DCC: variants seen among roughly 807,000 people sequenced by gnomAD.
DCC encodes the protein netrin receptor DCC.
In DCC, 58 loss-of-function variants were observed where a neutral mutation model predicts 172.5. The ratio of observed to expected loss-of-function variants is 0.34; its 90% CI spans 0.27 to 0.42. DCC has a LOEUF of 0.42. Ranked by LOEUF, DCC falls within the 10% of genes least tolerant of loss-of-function variation. DCC has a pLI of 1.00. For missense variants in DCC, 1,740 were observed against 1,791.0 expected, an observed-to-expected ratio of 0.97 and a Z score of 0.51; for synonymous variants, 709 against 644.5, an observed-to-expected ratio of 1.10 and a Z score of -1.52.
At chr18:53,239,458 A>T (rs886441288) in intron 12 of DCC, among the ~76,000 whole-genome samples, 1 of 152,084 alleles carries the variant, frequency 6.6e-6, no homozygotes, top group East Asian at 1.9e-4. Context: ...CTTTAGTGAT[A>T]GCTCATGTCA....
In DCC at chr18:52,940,141, G is replaced by A. The variant is rs528863450; in HGVS notation, c.985+14771G>A. On this transcript the variant is annotated intron_variant, in intron 5 of 28. Coordinates refer to ENST00000442544, the MANE Select transcript of DCC (RefSeq NM_005215.4). ...TTTGAGAAAAGGAAGACCATCTGGT[G>A]GTAAGTAAAGGAAATGGAATGTTAA... 5.9e-5 allele frequency among the ~76,000 whole-genome samples: 9 copies of A among 152,102 alleles called. No individual in the cohort carries two copies. In the South Asian group the frequency reaches 1.9e-3, roughly 32 times the overall value.
intron 1 of DCC, among the ~76,000 whole-genome samples, chr18:52,441,728 T>A (rs1220725833): frequency 6.6e-6 from 1 of 152,178 alleles, no homozygotes. Flanking sequence ...TTCAAGCACC[T>A]AAGGGACTCT....
chr18:53,502,875 G>T (rs1048589397), intron 27 of DCC, among the ~76,000 whole-genome samples: 4 of 151,834 alleles, frequency 2.6e-5, no homozygotes, highest in African/African-American at 4.8e-5. Context: ...TTAGGTTCTG[G>T]GGTACATGTG....
chr18:52,763,661 A>G (rs2037197847), intron 2 of DCC, among the ~76,000 whole-genome samples: 1 of 152,226 alleles, frequency 6.6e-6, no homozygotes. Flanking sequence ...CTTTAAAAGT[A>G]TATAATCCAG....
chr18:52,824,419 T>A (rs2038468182), intron 2 of DCC, among the ~76,000 whole-genome samples: 1 of 151,538 alleles, frequency 6.6e-6, no homozygotes, highest in South Asian at 2.1e-4. Context: ...TCCAGCTGTA[T>A]GTCACTGGAT....
At chr18:52,411,135 G>A (rs919435571) in intron 1 of DCC, among the ~76,000 whole-genome samples, 2 of 152,068 alleles carry the variant, frequency 1.3e-5, no homozygotes, top group Non-Finnish European at 2.9e-5. Flanking sequence ...TCCTGTGTAA[G>A]ATCTTGAAGT....
intron 12 of DCC, among the ~76,000 whole-genome samples, chr18:53,252,637 G>A (rs2056452821): frequency 6.6e-6 from 1 of 151,844 alleles, no homozygotes; most frequent in Non-Finnish European, 1.5e-5. Flanking sequence ...CATCTTTCTT[G>A]TTACTACTCT....
intron 5 of DCC, among the ~76,000 whole-genome samples, chr18:53,002,149 C>T (rs1479354510): frequency 2.6e-5 from 4 of 152,130 alleles, no homozygotes; most frequent in South Asian, 2.1e-4. Context: ...AGCTTATGCA[C>T]GTCTTAACAC....
At chr18:52,868,900 G>A (rs2145377790) in intron 2 of DCC, among the ~76,000 whole-genome samples, 1 of 152,340 alleles carries the variant, frequency 6.6e-6, no homozygotes, top group East Asian at 1.9e-4. Flanking sequence ...GCCAGCATGG[G>A]CACCGGTACT....
intron 1 of DCC, among the ~76,000 whole-genome samples, chr18:52,539,629 C>T (rs954035622): frequency 1.3e-5 from 2 of 152,160 alleles, no homozygotes; most frequent in Non-Finnish European, 2.9e-5. Flanking sequence ...GCCCCCGGCC[C>T]ATCCCATGGA....
At chr18:52,773,765 G>A (rs1364576607) in intron 2 of DCC, among the ~76,000 whole-genome samples, 1 of 152,170 alleles carries the variant, frequency 6.6e-6, no homozygotes, top group Non-Finnish European at 1.5e-5. Flanking sequence ...CTGACCTCAG[G>A]TGATCTGCCT....
In DCC at chr18:53,300,962, A is replaced by ATTCTTTCTTTCTTTCT. The variant is rs372885437; in HGVS notation, c.1912-4601_1912-4586dup. Among the ~76,000 whole-genome samples the ATTCTTTCTTTCTTTCT allele has an allele frequency of 3.9e-3, 472 of 120,308 alleles. 9 individuals carry two copies. Among genetic ancestry groups the ATTCTTTCTTTCTTTCT allele is most frequent in the African/African-American group, 0.013 (449 of 34,642 alleles). The allele number at this position is 120,308 out of a possible 152,430, so 78.9% of individuals were successfully genotyped here. On this transcript the variant is annotated intron_variant, in intron 12 of 28. Transcript: ENST00000442544. ...ATTATTTGACGTTGGTTCTGGATTC[A>ATTCTTTCTTTCTTTCT]TTCTTTCTTTCTTTCTTTCTTTCTT... is the stretch of plus-strand genomic sequence containing the variant.
chr18:53,282,052 G>A (rs758205988), intron 12 of DCC, among the ~76,000 whole-genome samples: 46 of 131,278 alleles, frequency 3.5e-4, no homozygotes, highest in Non-Finnish European at 4.0e-4. Flanking sequence ...AACTTCCCAG[G>A]GAGAAACAAA....
At position 53,207,785 on chromosome 18, in the gene DCC, C is replaced by A. The variant is rs752447243; in HGVS notation, c.1829C>A (p.Thr610Asn). The A allele has an allele frequency of 1.9e-5, 30 of 1,613,120 alleles. 1 individual carries two copies. The East Asian group carries it at 6.7e-4, about 36-fold the overall frequency. Reference sequence around the variant, plus strand: ...AATCGCTATGGTCCGGGCGTCTCTACTGATGATATAACAGTGGTTACACTT... The same window carrying A: ...AATCGCTATGGTCCGGGCGTCTCTAATGATGATATAACAGTGGTTACACTT... ...AYNRYGPGVS[T>N]DDITVVTLSD... The change falls in exon 11 of 29, where the codon ACT (threonine) becomes AAT (asparagine). Residue 610 changes from threonine to asparagine, a missense_variant. Physicochemically the swap from Thr to Asn is moderately conservative, Grantham distance 65. This residue lies in a region of DCC where 1,732 missense variants were observed against 1,767.4 expected (regional missense o/e 0.98). Coordinates refer to ENST00000442544, the MANE Select transcript of DCC (RefSeq NM_005215.4).
intron 1 of DCC, among the ~76,000 whole-genome samples, chr18:52,365,482 T>C (rs188293562): frequency 6.6e-6 from 1 of 152,170 alleles, no homozygotes; most frequent in African/African-American, 2.4e-5. Flanking sequence ...TCTTAACATA[T>C]AGAACAATGG....
intron 2 of DCC, among the ~76,000 whole-genome samples, chr18:52,828,261 G>A (rs565889670): frequency 3.3e-5 from 5 of 152,258 alleles, no homozygotes; most frequent in African/African-American, 1.2e-4. Flanking sequence ...AATACAAGAT[G>A]TTATATTGAT....
intron 2 of DCC, among the ~76,000 whole-genome samples, chr18:52,775,536 C>T (rs567531524): frequency 1.6e-4 from 25 of 152,328 alleles, no homozygotes; most frequent in Middle Eastern, 3.4e-3. Flanking sequence ...ATGGGGGAGC[C>T]AGAAGGGAGA....
chr18:52,376,646 T>C (rs1008616187), intron 1 of DCC, among the ~76,000 whole-genome samples: 1 of 152,134 alleles, frequency 6.6e-6, no homozygotes, highest in African/African-American at 2.4e-5. Context: ...TTTTACACCA[T>C]TTATTTGTTT....
At chr18:52,428,548 T>C (rs1987519029) in intron 1 of DCC, among the ~76,000 whole-genome samples, 1 of 152,156 alleles carries the variant, frequency 6.6e-6, no homozygotes, top group Non-Finnish European at 1.5e-5. Flanking sequence ...CTTGTACACC[T>C]GCTTTTAGAG....
Sources: allele counts gnomAD v4.1 joint callset (sites outside exome capture counted in the v4.1 genomes callset), GRCh38; gene constraint gnomAD v4.1.1; regional missense constraint gnomAD v4.1.1; transcripts MANE v1.5; gene names NCBI Gene and HGNC (gene_info 2026-07-23, HGNC 2026-07-21).